The following PAX5 variants were observed in gnomAD, a reference collection of about 807,000 sequenced individuals.
The protein encoded by PAX5 is paired box protein Pax-5.
A neutral mutation model predicts 43.7 loss-of-function variants in PAX5; 9 were observed. That is an observed-to-expected ratio of 0.21 (90% CI 0.12 to 0.36). The LOEUF is 0.36. Among genes scored for constraint, PAX5 ranks in the 10% least tolerant of loss-of-function variants. The pLI is 1.00. For synonymous variants in PAX5, 228 were observed against 214.3 expected (o/e 1.06, Z -0.56); for missense variants, 383 against 532.7 (o/e 0.72, Z 2.77).
chr9:36,902,089 TC>T (rs973016130), intron 7 of PAX5, among the ~76,000 whole-genome samples: 14 of 151,270 alleles, frequency 9.3e-5, no homozygotes, highest in Non-Finnish European at 7.4e-5. Flanking sequence ...GCTGTCCCTA[TC>T]CCCCCTCCCA....
intron 7 of PAX5, among the ~76,000 whole-genome samples, chr9:36,895,575 C>T (rs1429440214): frequency 6.6e-6 from 1 of 152,176 alleles, no homozygotes. Flanking sequence ...TAAAAGGATT[C>T]AAGACTCAAT....
intron 8 of PAX5, among the ~76,000 whole-genome samples, chr9:36,863,814 G>A (rs1484174572): frequency 6.8e-6 from 1 of 146,900 alleles, no homozygotes; most frequent in African/African-American, 2.5e-5. Context: ...CTGGCATATA[G>A]AAGTGCACAG....
intron 7 of PAX5, among the ~76,000 whole-genome samples, chr9:36,898,642 T>A (rs1008682980): frequency 2.0e-5 from 3 of 152,238 alleles, no homozygotes; most frequent in Admixed American, 1.3e-4. Context: ...AATTTTGTCC[T>A]CGGATGCACA....
rs1198225187 is a variant in PAX5, at chr9:36,833,830, C to T, written c.*6730G>A. 1 of 229,366 alleles carries T rather than the reference C, an allele frequency of 4.4e-6. No individual in the cohort carries two copies. The highest frequency in any genetic ancestry group is 2.3e-5 in the African/African-American group (1 of 44,348). 14.2% of individuals were successfully genotyped at this position (229,366 alleles called of 1,614,324 possible). A position where few individuals can be genotyped will look rare whatever the true frequency, so the allele number is the denominator to read the frequency against. ...TCATCTCCCACTTTCAAAGGCAATTCAATTGTGGTTTTTGTTGTTGGTTTT... is the reference window on the plus strand; with the variant it reads ...TCATCTCCCACTTTCAAAGGCAATTTAATTGTGGTTTTTGTTGTTGGTTTT... On this transcript the variant is annotated 3_prime_UTR_variant, in exon 10 of 10. Transcript: ENST00000358127.
At chr9:36,854,260 A>C (rs951270185) in intron 8 of PAX5, among the ~76,000 whole-genome samples, 14 of 152,254 alleles carry the variant, frequency 9.2e-5, no homozygotes, top group Non-Finnish European at 1.8e-4. Context: ...GTTGACGACC[A>C]GAGTGAGCGC....
Position 37,015,117 on chromosome 9 carries a change from T to C in PAX5, c.290A>G (p.Glu97Gly). Reference protein sequence around the residue: ...KPKVATPKVVEKIAEYKRQNP... With the variant: ...KPKVATPKVVGKIAEYKRQNP... Reference sequence around the variant, plus strand: ...TTGGCGTTTATATTCAGCGATTTTTTCCACCACTTTGGGTGTGGCGACCTT... The same window carrying C: ...TTGGCGTTTATATTCAGCGATTTTTCCCACCACTTTGGGTGTGGCGACCTT... The change falls in exon 3 of 10, where the codon GAA (glutamate) becomes GGA (glycine). Residue 97 changes from glutamate (E) to glycine (G), a missense_variant. This residue lies in a region of PAX5 where 33 missense variants were observed against 70.6 expected (regional missense o/e 0.47). Coordinates refer to ENST00000358127, the MANE Select transcript of PAX5 (RefSeq NM_016734.3). This position sits in a 1 kb window ranked among gnomAD's most constrained non-coding sequence, Gnocchi z 4.4. 6.2e-7 allele frequency: 1 copy of C among 1,614,230 alleles called. No homozygotes were observed. The highest frequency in any genetic ancestry group is 8.5e-7 in the Non-Finnish European group (1 of 1,180,036).
chr9:36,850,075 T>G (rs921402115), intron 8 of PAX5, among the ~76,000 whole-genome samples: 2 of 152,152 alleles, frequency 1.3e-5, no homozygotes, highest in Admixed American at 6.5e-5. Context: ...AGGACTTTGA[T>G]GGCAGAGAGA....
intron 5 of PAX5, among the ~76,000 whole-genome samples, chr9:36,977,959 G>A (rs1325202751): frequency 6.6e-6 from 1 of 152,234 alleles, no homozygotes; most frequent in African/African-American, 2.4e-5. Context: ...TTGGAGGAGG[G>A]GAAAGGGAGT....
intron 5 of PAX5, among the ~76,000 whole-genome samples, chr9:36,984,334 G>A (rs954953499): frequency 8.6e-5 from 13 of 151,908 alleles, no homozygotes; most frequent in Middle Eastern, 3.4e-3. Context: ...CCAACTAGTA[G>A]AGCAGTTATA....
At chr9:36,922,534 T>C (rs968898716) in intron 7 of PAX5, among the ~76,000 whole-genome samples, 17 of 152,154 alleles carry the variant, frequency 1.1e-4, no homozygotes, top group Non-Finnish European at 2.4e-4. Flanking sequence ...GGCCCACGCA[T>C]CCAGCCCTTC....
intron 6 of PAX5, among the ~76,000 whole-genome samples, chr9:36,942,914 C>T (rs576345410): frequency 5.5e-4 from 84 of 152,172 alleles, no homozygotes; most frequent in Non-Finnish European, 1.0e-3. Flanking sequence ...GCACTGCTGA[C>T]GCTACCCTAC....
intron 8 of PAX5, among the ~76,000 whole-genome samples, chr9:36,876,391 G>T (rs1825913903): frequency 6.6e-6 from 1 of 152,230 alleles, no homozygotes; most frequent in Non-Finnish European, 1.5e-5. Flanking sequence ...TGTGCACATT[G>T]TTCTGGTGGG....
Position 36,838,997 on chromosome 9 carries a change from C to T in PAX5, c.*1563G>A, listed in dbSNP as rs895332860. On this transcript the variant is annotated 3_prime_UTR_variant, in exon 10 of 10. Transcript: ENST00000358127. ...GGGGGACATTGTCACCTAAGAAGGC[C>T]AAGCCCCCTCTCATCACTGTCATTC... The T allele has an allele frequency of 8.6e-6, 2 of 233,216 alleles. No individual in the cohort carries two copies. The highest frequency in any genetic ancestry group is 1.7e-5 in the Non-Finnish European group (2 of 118,092). The allele number at this position is 233,216 out of a possible 1,614,324, so 14.4% of individuals were successfully genotyped here.
intron 1 of PAX5, among the ~76,000 whole-genome samples, chr9:37,029,517 C>T (rs1840757491): frequency 6.6e-6 from 1 of 152,260 alleles, no homozygotes; most frequent in Non-Finnish European, 1.5e-5. Flanking sequence ...CTGTCCGGAT[C>T]TTCCCCTTTC....
intron 8 of PAX5, among the ~76,000 whole-genome samples, chr9:36,850,497 A>G (rs934412037): frequency 6.6e-6 from 1 of 152,244 alleles, no homozygotes; most frequent in African/African-American, 2.4e-5. Context: ...TGCAGCCAAC[A>G]GGCCCAAGAC....
rs780078176 is a variant in PAX5, at chr9:36,840,492, A to G, written c.*68T>C. The G allele has an allele frequency of 1.1e-5, 16 of 1,464,888 alleles. No individual in the cohort carries two copies. The South Asian group carries it at 1.6e-4, about 14-fold the overall frequency. 90.7% of individuals were successfully genotyped at this position (1,464,888 alleles called of 1,614,324 possible). ...TCTCATGGGCTCTCTGGCTATCTTC[A>G]GGAGGGCTGGGTGGCTGTCACCCTC... On this transcript the variant is annotated 3_prime_UTR_variant, in exon 10 of 10. Coordinates refer to ENST00000358127, the MANE Select transcript of PAX5 (RefSeq NM_016734.3).
intron 8 of PAX5, among the ~76,000 whole-genome samples, chr9:36,874,407 C>A (rs191082603): frequency 6.6e-6 from 1 of 152,310 alleles, no homozygotes; most frequent in East Asian, 1.9e-4. Flanking sequence ...AAGCTCAGAT[C>A]CTAACCTTGC....
At chr9:36,926,631 G>A (rs1349767225) in intron 6 of PAX5, among the ~76,000 whole-genome samples, 1 of 152,202 alleles carries the variant, frequency 6.6e-6, no homozygotes, top group Non-Finnish European at 1.5e-5. Flanking sequence ...GTGCAAAGAC[G>A]GCAGGTCAAA....
intron 5 of PAX5, among the ~76,000 whole-genome samples, chr9:36,978,326 T>A (rs895630272): frequency 6.6e-6 from 1 of 152,194 alleles, no homozygotes; most frequent in Admixed American, 6.5e-5. Context: ...CTGAAGCAAA[T>A]GAAATATTAC....
Sources: gnomAD v4.1 joint callset for allele counts (sites outside exome capture counted in the v4.1 genomes callset) on GRCh38, gnomAD v4.1.1 for gene constraint, gnomAD v4.1.1 regional missense constraint, Gnocchi (gnomAD v3.1) non-coding constraint, MANE v1.5 for transcripts, NCBI Gene and HGNC (gene_info 2026-07-23, HGNC 2026-07-21) for gene names.